Variants in CLTCL1 observed in about 807,000 individuals in gnomAD.
CLTCL1 encodes the protein clathrin heavy chain like 1.
In CLTCL1, 159 loss-of-function variants were observed where a neutral mutation model predicts 190.0. The observed-to-expected ratio is 0.84, with a 90% CI of 0.74 to 0.95. The LOEUF is 0.95. CLTCL1 is among the 40% of genes least tolerant of loss of function. The probability of loss-of-function intolerance (pLI) is 0.00; values close to 1 mark genes in which losing one functional copy is unlikely to be tolerated. For synonymous variants in CLTCL1, 752 were observed against 769.6 expected (o/e 0.98, Z 0.38); for missense variants, 1,878 against 2,033.4 (o/e 0.92, Z 1.47).
chr22:19,207,574 C>A, intron 22 of CLTCL1: 1 of 406,822 alleles, frequency 2.5e-6, no homozygotes, highest in South Asian at 1.2e-4. Context: ...AAGCAGCGGT[C>A]CCCAACCCCC....
At chr22:19,203,844 C>G (rs2146342337) in intron 22 of CLTCL1, among the ~76,000 whole-genome samples, 1 of 152,320 alleles carries the variant, frequency 6.6e-6, no homozygotes, top group African/African-American at 2.4e-5. Flanking sequence ...CTGATGCCCC[C>G]AGGCAGTCCT....
At position 19,291,597 on chromosome 22, in the gene CLTCL1, C is replaced by A; in HGVS notation, c.42+3G>T. Reference sequence around the variant, plus strand: ...GGCAGCCCCCCAGCCCGCCGGGCCTCACCTGGAAGTGCTCCTGAAAGCGAA... The same window carrying A: ...GGCAGCCCCCCAGCCCGCCGGGCCTAACCTGGAAGTGCTCCTGAAAGCGAA... On this transcript the variant is annotated splice_donor_region_variant and intron_variant, in intron 1 of 32. Transcript: ENST00000427926. 7.2e-7 allele frequency: 1 copy of A among 1,393,560 alleles called. No individual in the cohort carries two copies. The highest frequency in any genetic ancestry group is 9.4e-7 in the Non-Finnish European group (1 of 1,060,046). The allele number at this position is 1,393,560 out of a possible 1,614,324, so 86.3% of individuals were successfully genotyped here. A position where few individuals can be genotyped will look rare whatever the true frequency, so the allele number is the denominator to read the frequency against.
At chr22:19,217,501 A>G (rs903405660) in intron 18 of CLTCL1, among the ~76,000 whole-genome samples, 22 of 151,346 alleles carry the variant, frequency 1.5e-4, no homozygotes, top group Non-Finnish European at 3.2e-4. Flanking sequence ...CTGTAGTCCC[A>G]GCTACTCGGG....
intron 29 of CLTCL1, among the ~76,000 whole-genome samples, chr22:19,186,348 G>A (rs1555928317): frequency 6.6e-6 from 1 of 152,050 alleles, no homozygotes; most frequent in East Asian, 1.9e-4. Flanking sequence ...GCGGGGAGAT[G>A]TTCAGGCCAA....
In CLTCL1 at chr22:19,234,572, G is replaced by A. The variant is rs782715598; in HGVS notation, c.1104C>T (p.Phe368=). The A allele has an allele frequency of 1.9e-6, 3 of 1,614,006 alleles. No homozygotes were observed. In the South Asian group the frequency reaches 3.3e-5, roughly 18 times the overall value. ...AGCTGCCCTGTGCAAAGAGGGTATT[G>A]AATTTTCTCACAAACAACTTCTCTG... ...AGAEKLFVRK[F]NTLFAQGSYA... Residue 368 remains phenylalanine, a synonymous_variant, in exon 7 of 33, where the codon TTC becomes TTT. Coordinates refer to ENST00000427926, the MANE Select transcript of CLTCL1 (RefSeq NM_007098.4).
At chr22:19,248,826 A>G (rs1052558205) in intron 3 of CLTCL1, among the ~76,000 whole-genome samples, 1 of 152,156 alleles carries the variant, frequency 6.6e-6, no homozygotes, top group Non-Finnish European at 1.5e-5. Context: ...AAGTGCTGGG[A>G]TTACAGGCAT....
At chr22:19,258,193 A>C (rs782447160) in intron 2 of CLTCL1, 24 of 345,250 alleles carry the variant, frequency 7.0e-5, no homozygotes, top group Non-Finnish European at 1.2e-4. Context: ...AAGGCCTACA[A>C]GCCCGTATTA....
chr22:19,234,097 A>G (rs2086001471), intron 7 of CLTCL1, among the ~76,000 whole-genome samples: 1 of 152,226 alleles, frequency 6.6e-6, no homozygotes, highest in Non-Finnish European at 1.5e-5. Flanking sequence ...AGAAAAAGCC[A>G]TATGCCGAAA....
chr22:19,189,895 C>T (rs2084433462), intron 27 of CLTCL1, among the ~76,000 whole-genome samples: 1 of 152,160 alleles, frequency 6.6e-6, no homozygotes, highest in South Asian at 2.1e-4. Flanking sequence ...TTTATCATTT[C>T]TTTGTGTTGG....
intron 29 of CLTCL1, chr22:19,184,207 G>C: frequency 3.3e-6 from 1 of 304,698 alleles, no homozygotes; most frequent in Admixed American, 4.4e-5. Flanking sequence ...TGGATCACCT[G>C]ATTCCTTCTA....
At chr22:19,208,590 C>T (rs1432320616) in intron 21 of CLTCL1, among the ~76,000 whole-genome samples, 8 of 151,764 alleles carry the variant, frequency 5.3e-5, no homozygotes, top group African/African-American at 1.7e-4. Flanking sequence ...TCAGAGAGGT[C>T]GGTGCCACAA....
At chr22:19,229,698 TG>T in intron 11 of CLTCL1, 139 bp downstream of exon 11, 1 of 721,142 alleles carries the variant, frequency 1.4e-6, no homozygotes, top group Non-Finnish European at 2.0e-6. Context: ...AGGAAAGTCA[TG>T]GAGAATGTCC....
At chr22:19,194,298 A>G (rs2084621960) in intron 26 of CLTCL1, among the ~76,000 whole-genome samples, 1 of 152,098 alleles carries the variant, frequency 6.6e-6, no homozygotes, top group African/African-American at 2.4e-5. Context: ...CCTGCCCAAC[A>G]TGGTAAAACC....
intron 30 of CLTCL1, 131 bp from the exon 31 acceptor site, chr22:19,180,937 A>T (rs1314402634): frequency 2.6e-6 from 2 of 762,796 alleles, no homozygotes; most frequent in Non-Finnish European, 4.6e-6. Flanking sequence ...ACATGGGCAG[A>T]TGTGGAGTGG....
At chr22:19,190,213 C>A (rs1261774309) in intron 27 of CLTCL1, among the ~76,000 whole-genome samples, 3 of 152,186 alleles carry the variant, frequency 2.0e-5, no homozygotes, top group Non-Finnish European at 4.4e-5. Flanking sequence ...CCACCTTGGC[C>A]TCCCAAAGTG....
At position 19,229,960 on chromosome 22, in the gene CLTCL1, T is replaced by G. The variant is rs781983837; in HGVS notation, c.1660A>C (p.Met554Leu). Residue 554 changes from methionine to leucine, a missense_variant, in exon 11 of 33, where the codon ATG becomes CTG. Physicochemically the swap from Met to Leu is conservative, Grantham distance 15 (BLOSUM62 2). Coordinates refer to ENST00000427926, the MANE Select transcript of CLTCL1 (RefSeq NM_007098.4). The stretch of plus-strand genomic sequence containing the variant: ...CACTGCTGAATTAAACTGTTTTCCA[T>G]GAAAATGTCCACAATCTGAAACATA... Reference protein sequence around the residue: ...ANISQIVDIFMENSLIQQCTS... With the variant: ...ANISQIVDIFLENSLIQQCTS... 9 of 1,608,458 alleles carry G rather than the reference T, an allele frequency of 5.6e-6. No individual in the cohort carries two copies. Among genetic ancestry groups the G allele is most frequent in the Non-Finnish European group, 7.6e-6 (9 of 1,177,684 alleles).
At chr22:19,208,098 C>G (rs1450466955) in intron 22 of CLTCL1, 56 bp downstream of exon 22, 2 of 1,606,654 alleles carry the variant, frequency 1.2e-6, no homozygotes, top group African/African-American at 2.7e-5. Flanking sequence ...CTCTGAGGAA[C>G]ATCCCTGGAC....
At chr22:19,187,753 G>A in intron 28 of CLTCL1, 25 bp from the exon 29 acceptor site, 4 of 1,609,408 alleles carry the variant, frequency 2.5e-6, no homozygotes, top group Non-Finnish European at 3.4e-6. Context: ...TTTCTGTGAG[G>A]GATGGGACAC....
At chr22:19,213,450 G>C (rs2085293706) in intron 19 of CLTCL1, among the ~76,000 whole-genome samples, 1 of 152,200 alleles carries the variant, frequency 6.6e-6, no homozygotes, top group African/African-American at 2.4e-5. Context: ...CCATGTGATT[G>C]GGTATGTTTA....
Sources: allele counts gnomAD v4.1 joint callset (sites outside exome capture counted in the v4.1 genomes callset), GRCh38; gene constraint gnomAD v4.1.1; transcripts MANE v1.5; gene names NCBI Gene and HGNC (gene_info 2026-07-23, HGNC 2026-07-21).